The following PTGER3 variants were observed in gnomAD, a reference collection of about 807,000 sequenced individuals.
PTGER3 encodes the protein prostaglandin E2 receptor EP3 subtype.
A neutral mutation model predicts 34.7 loss-of-function variants in PTGER3; 22 were observed. The ratio of observed to expected loss-of-function variants is 0.63; its 90% CI spans 0.45 to 0.91. The LOEUF (loss-of-function observed/expected upper bound fraction) is 0.91, where lower values mean the gene tolerates loss of function less well. Among genes scored for constraint, PTGER3 ranks in the 40% least tolerant of loss-of-function variants. The pLI, the probability that PTGER3 is intolerant of heterozygous loss-of-function variation, is 0.00. For missense variants in PTGER3, 468 were observed against 519.4 expected (o/e 0.90, Z 0.96); for synonymous variants, 241 against 230.1 (o/e 1.05, Z -0.43).
At chr1:70,929,984 T>C (rs1232751937) in intron 4 of PTGER3, among the ~76,000 whole-genome samples, 1 of 152,242 alleles carries the variant, frequency 6.6e-6, no homozygotes, top group Non-Finnish European at 1.5e-5. Context: ...CTCTGTTTTA[T>C]GTCTCTTGAT....
intron 4 of PTGER3, among the ~76,000 whole-genome samples, chr1:70,880,555 T>C (rs1202487353): frequency 6.6e-6 from 1 of 151,836 alleles, no homozygotes; most frequent in Non-Finnish European, 1.5e-5. Flanking sequence ...CCAGGCATGA[T>C]GGCGGGCACC....
At chr1:70,999,934 G>A (rs1166930147) in intron 2 of PTGER3, among the ~76,000 whole-genome samples, 5 of 152,154 alleles carry the variant, frequency 3.3e-5, no homozygotes, top group Non-Finnish European at 7.3e-5. Flanking sequence ...GGATCTAAAT[G>A]TTTGCAGTCA....
At chr1:71,013,050 C>T (rs536886305) in intron 1 of PTGER3, among the ~76,000 whole-genome samples, 4 of 152,218 alleles carry the variant, frequency 2.6e-5, no homozygotes, top group Admixed American at 2.6e-4. Context: ...ATTACCACTT[C>T]CTTCTGGATG....
chr1:70,981,327 C>A (rs1382497344), intron 2 of PTGER3, among the ~76,000 whole-genome samples: 2 of 51,586 alleles, frequency 3.9e-5, no homozygotes, highest in Non-Finnish European at 3.7e-5. Flanking sequence ...TTTCTTCTTT[C>A]TTTCTTTCTT....
intron 2 of PTGER3, among the ~76,000 whole-genome samples, chr1:70,979,441 G>T (rs1373792323): frequency 6.6e-6 from 1 of 151,966 alleles, no homozygotes; most frequent in Non-Finnish European, 1.5e-5. Context: ...TTGTTATTCT[G>T]TACAGAGAAT....
intron 4 of PTGER3, among the ~76,000 whole-genome samples, chr1:70,882,386 T>G (rs1290087756): frequency 1.3e-5 from 2 of 152,212 alleles, no homozygotes; most frequent in East Asian, 3.9e-4. Context: ...TCACTTGTTC[T>G]GCCATCTGGG....
At chr1:70,963,291 C>T (rs879830407) in intron 2 of PTGER3, among the ~76,000 whole-genome samples, 3 of 152,124 alleles carry the variant, frequency 2.0e-5, no homozygotes, top group Non-Finnish European at 2.9e-5. Context: ...TTTGGGAGAT[C>T]CACATTCTGG....
chr1:70,913,520 G>A (rs1289248802), intron 4 of PTGER3, among the ~76,000 whole-genome samples: 1 of 151,848 alleles, frequency 6.6e-6, no homozygotes, highest in Non-Finnish European at 1.5e-5. Flanking sequence ...GGAATCTCCA[G>A]TAAATGCAGA....
rs1650867086 is a variant in PTGER3 at position 70,952,575 on chromosome 1, C to A, written c.*332G>T. On this transcript the variant is annotated 3_prime_UTR_variant, in exon 4 of 4. Transcript: ENST00000356595. ...TTCTTCTGGACCAAATGTTAAAATA[C>A]TCTTGCATTTCTTCCAGAGATGCAC... The A allele has an allele frequency of 1.0e-5, 10 of 1,004,128 alleles. No homozygotes were observed. The African/African-American group carries it at 1.0e-4, about 10-fold the overall frequency. The allele number at this position is 1,004,128 out of a possible 1,614,324, so 62.2% of individuals were successfully genotyped here. A position where few individuals can be genotyped will look rare whatever the true frequency, so the allele number is the denominator to read the frequency against.
chr1:71,024,755 G>A (rs556115034), intron 1 of PTGER3, among the ~76,000 whole-genome samples: 7 of 147,674 alleles, frequency 4.7e-5, no homozygotes, highest in South Asian at 2.1e-4. Flanking sequence ...GGGTTTCACC[G>A]TGTTGACCAG....
chr1:70,914,126 T>C (rs1341304704), intron 4 of PTGER3, among the ~76,000 whole-genome samples: 1 of 151,716 alleles, frequency 6.6e-6, no homozygotes, highest in Non-Finnish European at 1.5e-5. Flanking sequence ...ACATAATATC[T>C]GTATTCTAAT....
chr1:70,914,561 T>G (rs987524107), intron 4 of PTGER3, among the ~76,000 whole-genome samples: 1 of 151,928 alleles, frequency 6.6e-6, no homozygotes, highest in African/African-American at 2.4e-5. Flanking sequence ...CTCATAAAAC[T>G]TGTCACAGGA....
intron 4 of PTGER3, among the ~76,000 whole-genome samples, chr1:70,916,749 G>T (rs371121604): frequency 6.6e-6 from 1 of 151,900 alleles, no homozygotes; most frequent in Non-Finnish European, 1.5e-5. Flanking sequence ...GAGAATGTGG[G>T]TTGGAAAACT....
rs1491317596 is a variant in PTGER3, at chr1:70,935,670, TAA to T, written c.*23+18091_*23+18092del. Among the ~76,000 whole-genome samples the T allele has an allele frequency of 4.6e-3, 444 of 96,368 alleles. 4 individuals are homozygous for T. The highest frequency in any genetic ancestry group is 7.3e-3 in the Non-Finnish European group (329 of 45,270). 63.2% of individuals were successfully genotyped at this position (96,368 alleles called of 152,430 possible). ...TGTGTTGGTACTAAGGATACAAATA[TAA>T]ATATATATATATATATATATATGTT... On this transcript the variant is annotated intron_variant, in intron 4 of 4. Transcript: ENST00000370931.
chr1:70,939,976 CAT>C (rs1192415334), intron 4 of PTGER3, among the ~76,000 whole-genome samples: 2 of 152,206 alleles, frequency 1.3e-5, no homozygotes, highest in Non-Finnish European at 2.9e-5. Flanking sequence ...TTTTCTATCA[CAT>C]AGTCAGGCTG....
At chr1:71,011,913 C>T (rs1040868995) in intron 2 of PTGER3, 14 of 1,153,850 alleles carry the variant, frequency 1.2e-5, no homozygotes, top group African/African-American at 6.4e-5. Flanking sequence ...TAACTATCCC[C>T]GCTCCCCAAT....
intron 1 of PTGER3, 121 bp from the exon 2 acceptor site, chr1:71,012,605 T>C: frequency 1.3e-6 from 1 of 797,688 alleles, no homozygotes; most frequent in East Asian, 2.6e-5. Flanking sequence ...AATGATTAAT[T>C]CAAGCAACAT....
At chr1:71,010,092 G>A in intron 2 of PTGER3, 1 of 984,954 alleles carries the variant, frequency 1.0e-6, no homozygotes, top group East Asian at 1.1e-4. Context: ...TATATCCCCT[G>A]GGCAGGAATT....
Position 70,865,792 on chromosome 1 carries a change from C to A in PTGER3, c.*24-12933G>T. The A allele has an allele frequency of 7.3e-7, 1 of 1,367,006 alleles. No homozygotes were observed. Among genetic ancestry groups the A allele is most frequent in the Non-Finnish European group, 9.8e-7 (1 of 1,021,336 alleles). The allele number at this position is 1,367,006 out of a possible 1,614,324, so 84.7% of individuals were successfully genotyped here. A position where few individuals can be genotyped will look rare whatever the true frequency, so the allele number is the denominator to read the frequency against. Reference sequence around the variant, plus strand: ...ACCAACGGAAGGGCTGAGCACAGAACCTTGAAGGATCAATCACAGTAGAGG... The same window carrying A: ...ACCAACGGAAGGGCTGAGCACAGAAACTTGAAGGATCAATCACAGTAGAGG... On this transcript the variant is annotated intron_variant, in intron 4 of 4. Coordinates refer to the PTGER3 transcript ENST00000370931.
Sources: gnomAD v4.1 joint callset for allele counts (sites outside exome capture counted in the v4.1 genomes callset) on GRCh38, gnomAD v4.1.1 for gene constraint, MANE v1.5 for transcripts, NCBI Gene and HGNC (gene_info 2026-07-23, HGNC 2026-07-21) for gene names.